Variants in CTTN observed in about 807,000 individuals in gnomAD.
The protein encoded by CTTN is src substrate cortactin.
Under a neutral mutation model 84.0 loss-of-function variants are expected in CTTN, and 28 were observed. That is an observed-to-expected ratio of 0.33 (90% CI 0.25 to 0.46). CTTN has a LOEUF of 0.46. Ranked by LOEUF, CTTN falls within the 20% of genes least tolerant of loss-of-function variation. The pLI is 1.00. For synonymous variants in CTTN, 301 were observed against 288.8 expected (o/e 1.04, Z -0.43); for missense variants, 641 against 723.8 (o/e 0.89, Z 1.31).
chr11:70,426,635 T>C (rs1194649258), intron 13 of CTTN, among the ~76,000 whole-genome samples: 1 of 150,254 alleles, frequency 6.7e-6, no homozygotes, highest in Non-Finnish European at 1.5e-5. Context: ...CAGGCTGGAG[T>C]GCAGTGGCGC....
intron 10 of CTTN, among the ~76,000 whole-genome samples, chr11:70,421,118 G>A (rs1001495929): frequency 2.0e-5 from 3 of 152,236 alleles, no homozygotes; most frequent in African/African-American, 7.2e-5. Context: ...CTCCGAATCT[G>A]CAGGGTCTCT....
intron 5 of CTTN, among the ~76,000 whole-genome samples, chr11:70,414,008 G>C (rs759725252): frequency 6.6e-6 from 1 of 152,104 alleles, no homozygotes; most frequent in Non-Finnish European, 1.5e-5. Flanking sequence ...TCCAGGGTTC[G>C]TGTGCAGCTT....
intron 10 of CTTN, among the ~76,000 whole-genome samples, chr11:70,421,093 T>C (rs2058231066): frequency 1.3e-5 from 2 of 152,180 alleles, no homozygotes; most frequent in African/African-American, 2.4e-5. Context: ...GCGGGGCTAA[T>C]GGGGCTGCAG....
chr11:70,414,175 C>G (rs1285887868), intron 5 of CTTN, among the ~76,000 whole-genome samples: 1 of 152,172 alleles, frequency 6.6e-6, no homozygotes, highest in Non-Finnish European at 1.5e-5. Context: ...GAAACCCCGT[C>G]TCTACTAAAA....
chr11:70,416,466 C>G (rs982437708), intron 7 of CTTN, among the ~76,000 whole-genome samples: 1 of 152,152 alleles, frequency 6.6e-6, no homozygotes, highest in Non-Finnish European at 1.5e-5. Flanking sequence ...GAGTCTCGCT[C>G]TGTTGCCCAG....
At chr11:70,431,364 C>A in intron 15 of CTTN, 84 bp downstream of exon 15, 2 of 1,414,700 alleles carry the variant, frequency 1.4e-6, no homozygotes, top group Non-Finnish European at 2.0e-6. Flanking sequence ...GAAGCCCTTG[C>A]AGGCAGGCAG....
At chr11:70,422,532 C>T in intron 11 of CTTN, 1 of 1,293,642 alleles carries the variant, frequency 7.7e-7, no homozygotes, top group Non-Finnish European at 1.0e-6. Context: ...TGCGATTGAG[C>T]CTCTTTTTAG....
chr11:70,411,942 C>G (rs183861667), intron 5 of CTTN, among the ~76,000 whole-genome samples: 281 of 152,290 alleles, frequency 1.8e-3, no homozygotes, highest in African/African-American at 6.4e-3. Flanking sequence ...ACGTGCCCCC[C>G]CCTTAGGCCA....
At chr11:70,423,654 C>G (rs770007170) in intron 12 of CTTN, among the ~76,000 whole-genome samples, 1 of 151,990 alleles carries the variant, frequency 6.6e-6, no homozygotes, top group East Asian at 1.9e-4. Flanking sequence ...CACGGAGGGG[C>G]GAGGTGTGGG....
In CTTN at chr11:70,415,582, T is replaced by G. The variant is rs1380707021; in HGVS notation, c.403-81T>G. 2.4e-6 allele frequency: 3 copies of G among 1,243,924 alleles called. No individual in the cohort carries two copies. The African/African-American group carries it at 4.4e-5, about 18-fold the overall frequency. 77.1% of individuals were successfully genotyped at this position (1,243,924 alleles called of 1,614,324 possible). A position where few individuals can be genotyped will look rare whatever the true frequency, so the allele number is the denominator to read the frequency against. ...GTGTTTCATATTTTTTTAAATGTCA[T>G]GTCATGAATTCAGAGAGATTGTTTC... On this transcript the variant is annotated intron_variant, in intron 6 of 17. Coordinates refer to ENST00000301843, the MANE Select transcript of CTTN (RefSeq NM_005231.4).
chr11:70,434,949 C>A, intron 17 of CTTN, 77 bp from the exon 18 acceptor site: 1 of 1,528,878 alleles, frequency 6.5e-7, no homozygotes, highest in Non-Finnish European at 9.0e-7. Flanking sequence ...TGGGAGCTTG[C>A]TCTGGGTTGT....
In CTTN at chr11:70,436,320, C is replaced by T; in HGVS notation, c.*1158C>T. On this transcript the variant is annotated 3_prime_UTR_variant, in exon 18 of 18. Coordinates refer to ENST00000301843, the MANE Select transcript of CTTN (RefSeq NM_005231.4). ...TTCCTGAGGAGCCGGGAGGCTGGAC[C>T]AGTCCCGTCGTGCAGTCAGGTGGGC... The T allele has an allele frequency of 6.3e-7, 1 of 1,598,312 alleles. No homozygotes were observed. Among genetic ancestry groups the T allele is most frequent in the Non-Finnish European group, 8.5e-7 (1 of 1,179,788 alleles).
At position 70,433,661 on chromosome 11, in the gene CTTN, G is replaced by A. The variant is rs144726386; in HGVS notation, c.1459G>A (p.Asp487Asn). 1.3e-4 allele frequency: 216 copies of A among 1,613,118 alleles called. No homozygotes were observed. The highest frequency in any genetic ancestry group is 7.6e-4 in the East Asian group (34 of 44,858). Residue 487 changes from aspartate to asparagine, a missense_variant, in exon 17 of 18, where the codon GAT becomes AAT. Physicochemically the swap from Asp to Asn is conservative, Grantham distance 23 (BLOSUM62 1). This residue lies in a region of CTTN where 68 missense variants were observed against 102.2 expected (regional missense o/e 0.67). Transcript: ENST00000301843. ...GHYPAEDSTY[D>N]EYENDLGITA... ...CTTTCTTTTAGAGGACAGCACCTAC[G>A]ATGAGTACGAGAACGATCTGGGGAT...
intron 8 of CTTN, among the ~76,000 whole-genome samples, chr11:70,418,358 C>A (rs771208522): frequency 2.0e-5 from 3 of 152,260 alleles, no homozygotes; most frequent in African/African-American, 4.8e-5. Flanking sequence ...TTCCCGACAC[C>A]ACACAGTTGT....
chr11:70,430,212 C>T (rs2135594188), intron 14 of CTTN, among the ~76,000 whole-genome samples: 1 of 152,330 alleles, frequency 6.6e-6, no homozygotes. Flanking sequence ...GGAGTGGACA[C>T]CTGGGGTTCA....
chr11:70,415,999 C>T (rs189498819), intron 7 of CTTN: 131 of 396,302 alleles, frequency 3.3e-4, no homozygotes, highest in African/African-American at 2.4e-3. Context: ...CCCCTTGTAG[C>T]GGAAGCCGCC....
At chr11:70,433,533 C>G in intron 16 of CTTN, 114 bp from the exon 17 acceptor site, 1 of 918,106 alleles carries the variant, frequency 1.1e-6, no homozygotes. Flanking sequence ...AGGGTTTCAG[C>G]TGCCGCCCTG....
intron 1 of CTTN, among the ~76,000 whole-genome samples, chr11:70,402,950 T>G (rs1212603846): frequency 6.6e-6 from 1 of 152,222 alleles, no homozygotes; most frequent in Admixed American, 6.5e-5. Flanking sequence ...CTTCCAGTTT[T>G]TCAACACTGT....
intron 11 of CTTN, chr11:70,421,875 C>T (rs2058240354): frequency 2.7e-6 from 1 of 368,244 alleles, no homozygotes; most frequent in Non-Finnish European, 4.9e-6. Context: ...TGGGGCATCT[C>T]CGGTCTCCAG....
Sources: allele counts gnomAD v4.1 joint callset (sites outside exome capture counted in the v4.1 genomes callset), GRCh38; gene constraint gnomAD v4.1.1; regional missense constraint gnomAD v4.1.1; transcripts MANE v1.5; gene names NCBI Gene and HGNC (gene_info 2026-07-23, HGNC 2026-07-21).